The following SH3PXD2A variants were observed in gnomAD, a reference collection of about 807,000 sequenced individuals.
The protein encoded by SH3PXD2A is SH3 and PX domains 2A.
In SH3PXD2A, 32 loss-of-function variants were observed where a neutral mutation model predicts 115.2. That is an observed-to-expected ratio of 0.28 (90% CI 0.21 to 0.37). SH3PXD2A has a LOEUF of 0.37. Among genes scored for constraint, SH3PXD2A ranks in the 10% least tolerant of loss-of-function variants. The probability of loss-of-function intolerance (pLI) is 1.00; values close to 1 mark genes in which losing one functional copy is unlikely to be tolerated. For missense variants in SH3PXD2A, 1,328 were observed against 1,498.7 expected (o/e 0.89, Z 1.88); for synonymous variants, 610 against 629.1 (o/e 0.97, Z 0.45).
intron 8 of SH3PXD2A, among the ~76,000 whole-genome samples, chr10:103,636,391 A>G (rs1455040084): frequency 9.3e-5 from 14 of 150,262 alleles, no homozygotes; most frequent in African/African-American, 3.0e-4. Context: ...CCTGGGTGAC[A>G]GAGCGAGACT....
intron 1 of SH3PXD2A, among the ~76,000 whole-genome samples, chr10:103,839,032 G>A (rs185466214): frequency 1.8e-4 from 27 of 152,286 alleles, no homozygotes; most frequent in African/African-American, 5.3e-4. Context: ...GTCTTGGGGC[G>A]TGCACATCAG....
At chr10:103,606,782 C>T (rs994902800) in intron 13 of SH3PXD2A, among the ~76,000 whole-genome samples, 4 of 152,230 alleles carry the variant, frequency 2.6e-5, no homozygotes, top group African/African-American at 9.6e-5. Context: ...CAGACGGAGT[C>T]TCGTTCACTC....
rs1408038256 is a variant in SH3PXD2A, at chr10:103,624,844, C to T, written c.718+2245G>A. Among the ~76,000 whole-genome samples the T allele has an allele frequency of 2.0e-5, 3 of 152,270 alleles. No homozygotes were observed. In the East Asian group the frequency reaches 5.8e-4, roughly 29 times the overall value. On this transcript the variant is annotated intron_variant, in intron 9 of 14. Transcript: ENST00000369774. Reference sequence around the variant, plus strand: ...ACACCACAGCAGCTGGGGCCTTAGGCCCAGGGGACCCATCCCTGAGCCCTT... The same window carrying T: ...ACACCACAGCAGCTGGGGCCTTAGGTCCAGGGGACCCATCCCTGAGCCCTT...
intron 8 of SH3PXD2A, among the ~76,000 whole-genome samples, chr10:103,634,400 C>T (rs2036834584): frequency 6.6e-6 from 1 of 152,202 alleles, no homozygotes; most frequent in Non-Finnish European, 1.5e-5. Context: ...TAGGCACTTG[C>T]TCCACATATA....
intron 1 of SH3PXD2A, among the ~76,000 whole-genome samples, chr10:103,821,578 G>A (rs1292469108): frequency 6.8e-6 from 1 of 146,634 alleles, no homozygotes; most frequent in East Asian, 2.1e-4. Flanking sequence ...TTTGAGGCAG[G>A]GTCTTACTCT....
intron 6 of SH3PXD2A, 136 bp downstream of exon 6, chr10:103,692,892 C>A: frequency 1.4e-6 from 1 of 707,600 alleles, no homozygotes. Flanking sequence ...TACCCCTGGC[C>A]CGGCAGGACC....
chr10:103,825,366 C>G (rs962562722), intron 1 of SH3PXD2A, among the ~76,000 whole-genome samples: 1 of 152,150 alleles, frequency 6.6e-6, no homozygotes, highest in Non-Finnish European at 1.5e-5. Flanking sequence ...TGGCTGTTAA[C>G]AGGCGTTGCA....
At chr10:103,813,777 A>T (rs1224528202) in intron 1 of SH3PXD2A, among the ~76,000 whole-genome samples, 3 of 152,044 alleles carry the variant, frequency 2.0e-5, no homozygotes, top group Non-Finnish European at 4.4e-5. Flanking sequence ...GGCTGTAGGG[A>T]ATTTCAGGTT....
intron 3 of SH3PXD2A, among the ~76,000 whole-genome samples, chr10:103,757,110 G>T (rs1172857311): frequency 1.3e-5 from 2 of 152,216 alleles, no homozygotes; most frequent in African/African-American, 4.8e-5. Flanking sequence ...AGCATGGAGG[G>T]AAAGGATCCA....
rs1228923678 is a variant in SH3PXD2A at position 103,767,084 on chromosome 10, C to G, written c.229+10G>C. On this transcript the variant is annotated intron_variant, in intron 3 of 14. Coordinates refer to ENST00000369774, the MANE Select transcript of SH3PXD2A (RefSeq NM_001394015.1). ...TCCCCCATCCCTGGGTGGAGCCACC[C>G]AATGCTTACCTGGGAGGAAGGGGAT... The G allele has an allele frequency of 1.2e-6, 2 of 1,610,892 alleles. No individual in the cohort carries two copies. Among genetic ancestry groups the G allele is most frequent in the Non-Finnish European group, 1.7e-6 (2 of 1,177,374 alleles).
intron 6 of SH3PXD2A, among the ~76,000 whole-genome samples, chr10:103,690,010 C>T (rs774149865): frequency 1.3e-4 from 20 of 152,108 alleles, no homozygotes; most frequent in East Asian, 3.9e-4. Context: ...TGGGAAGCTT[C>T]GTGAGGTTCA....
intron 1 of SH3PXD2A, among the ~76,000 whole-genome samples, chr10:103,819,555 A>G (rs976981364): frequency 1.3e-5 from 2 of 151,910 alleles, no homozygotes; most frequent in African/African-American, 4.8e-5. Context: ...GCTCGAGGGA[A>G]TGATGGGGGC....
intron 1 of SH3PXD2A, among the ~76,000 whole-genome samples, chr10:103,816,877 G>A (rs1193056478): frequency 2.0e-5 from 3 of 151,730 alleles, no homozygotes; most frequent in Non-Finnish European, 2.9e-5. Flanking sequence ...TTGCTCTGTC[G>A]TCCAGGCTGG....
chr10:103,826,120 G>A (rs1589473037), intron 1 of SH3PXD2A, among the ~76,000 whole-genome samples: 1 of 152,270 alleles, frequency 6.6e-6, no homozygotes, highest in South Asian at 2.1e-4. Context: ...TTGTCAGCAA[G>A]TTTTCTCATA....
rs539797847 is a variant in SH3PXD2A, at chr10:103,595,164, C to G, written c.*6652G>C. The G allele has an allele frequency of 5.9e-5, 9 of 152,342 alleles. No homozygotes were observed. Among genetic ancestry groups the G allele is most frequent in the African/African-American group, 1.7e-4 (7 of 41,568 alleles). The allele number at this position is 152,342 out of a possible 1,614,324, so 9.4% of individuals were successfully genotyped here. A position where few individuals can be genotyped will look rare whatever the true frequency, so the allele number is the denominator to read the frequency against. On this transcript the variant is annotated 3_prime_UTR_variant, in exon 15 of 15. Transcript: ENST00000369774. Reference sequence around the variant, plus strand: ...TCTGCTAAGTAAATCAATGACCATTCATTGAGAACTGATGGGGACCCAGCG... The same window carrying G: ...TCTGCTAAGTAAATCAATGACCATTGATTGAGAACTGATGGGGACCCAGCG...
At chr10:103,625,258 C>T (rs1365567579) in intron 9 of SH3PXD2A, among the ~76,000 whole-genome samples, 2 of 152,240 alleles carry the variant, frequency 1.3e-5, no homozygotes, top group African/African-American at 4.8e-5. Context: ...CCTCCATAAT[C>T]GACCCAACAG....
intron 2 of SH3PXD2A, among the ~76,000 whole-genome samples, chr10:103,771,718 G>A (rs2038821998): frequency 6.6e-6 from 1 of 151,290 alleles, no homozygotes. Context: ...CTGGGCAACA[G>A]AGCGAGACTC....
chr10:103,829,758 A>C (rs1198034732), intron 1 of SH3PXD2A, among the ~76,000 whole-genome samples: 2 of 152,264 alleles, frequency 1.3e-5, no homozygotes, highest in East Asian at 3.8e-4. Flanking sequence ...GCAAGGACAA[A>C]AAAGGTAAGA....
At chr10:103,781,730 C>A (rs1290018668) in intron 2 of SH3PXD2A, among the ~76,000 whole-genome samples, 1 of 152,204 alleles carries the variant, frequency 6.6e-6, no homozygotes, top group East Asian at 1.9e-4. Flanking sequence ...CTATCAAACC[C>A]ACATGCACAG....
Sources: gnomAD v4.1 joint callset for allele counts (sites outside exome capture counted in the v4.1 genomes callset) on GRCh38, gnomAD v4.1.1 for gene constraint, MANE v1.5 for transcripts, NCBI Gene and HGNC (gene_info 2026-07-23, HGNC 2026-07-21) for gene names.